Variants in IARS1 observed in about 807,000 individuals in gnomAD.
The protein encoded by IARS1 is isoleucine--tRNA ligase, cytoplasmic.
Under a neutral mutation model 168.2 loss-of-function variants are expected in IARS1, and 124 were observed. The observed-to-expected ratio is 0.74, with a 90% CI of 0.64 to 0.86. The LOEUF (loss-of-function observed/expected upper bound fraction) is 0.86. Ranked by LOEUF, IARS1 falls within the 40% of genes least tolerant of loss-of-function variation. The pLI is 0.00. For missense variants in IARS1, 1,452 were observed against 1,515.8 expected, an observed-to-expected ratio of 0.96 and a Z score of 0.70; for synonymous variants, 532 against 529.4, an observed-to-expected ratio of 1.00 and a Z score of -0.07.
intron 6 of IARS1, 98 bp downstream of exon 6, chr9:92,285,624 C>A (rs1835321913): frequency 1.4e-6 from 1 of 724,772 alleles, no homozygotes. Flanking sequence ...GGGCAACATT[C>A]CACACTGGGT....
chr9:92,254,030 TGCTGCTCAGTTATAAA>T (rs1830388259), intron 20 of IARS1, among the ~76,000 whole-genome samples: 1 of 152,218 alleles, frequency 6.6e-6, no homozygotes, highest in African/African-American at 2.4e-5. Flanking sequence ...GACCCAGAGA[TGCTGCTCAGTTATAAA>T]GCACAGCACA....
Position 92,223,387 on chromosome 9 carries a change from C to A in IARS1, c.3512G>T (p.Cys1171Phe), listed in dbSNP as rs1188370405. 1.2e-6 allele frequency: 2 copies of A among 1,613,886 alleles called. No homozygotes were observed. Among genetic ancestry groups the A allele is most frequent in the South Asian group, 2.2e-5 (2 of 91,038 alleles). ...CAGGAGCTGTAGGTTGATATACTGA[C>A]AAAGAAGAGTACTAGAACTGTTGAT... is the stretch of plus-strand genomic sequence containing the variant. Reference protein sequence around the residue: ...SLINSSSTLLCQYINLQLLNA... With the variant: ...SLINSSSTLLFQYINLQLLNA... The change falls in exon 32 of 34, where the codon TGT (cysteine) becomes TTT (phenylalanine). Residue 1171 changes from cysteine to phenylalanine, a missense_variant. Physicochemically the swap from Cys to Phe is radical, Grantham distance 205 (BLOSUM62 -2). Transcript: ENST00000443024.
At chr9:92,247,230 T>A in intron 26 of IARS1, 147 bp downstream of exon 26, 2 of 586,310 alleles carry the variant, frequency 3.4e-6, no homozygotes, top group Middle Eastern at 3.2e-4. Flanking sequence ...GAGAAGAGAG[T>A]AAGGAAAGGA....
At chr9:92,233,050 T>C (rs1432018344) in intron 30 of IARS1, among the ~76,000 whole-genome samples, 2 of 152,230 alleles carry the variant, frequency 1.3e-5, no homozygotes, top group African/African-American at 4.8e-5. Context: ...CCCTGAAATA[T>C]CTCAAGAGAA....
intron 20 of IARS1, among the ~76,000 whole-genome samples, chr9:92,256,183 CTTTT>C (rs773558436): frequency 2.2e-5 from 3 of 138,294 alleles, no homozygotes; most frequent in Admixed American, 7.3e-5. Flanking sequence ...TTCCCCAGGG[CTTTT>C]TTTTTTTTTT....
chr9:92,251,691 T>A, intron 22 of IARS1, 117 bp downstream of exon 22: 1 of 701,270 alleles, frequency 1.4e-6, no homozygotes, highest in Non-Finnish European at 2.5e-6. Context: ...ATAAAACTTC[T>A]ATATCTATTT....
intron 30 of IARS1, among the ~76,000 whole-genome samples, chr9:92,230,685 A>G (rs1587730454): frequency 1.3e-5 from 2 of 152,238 alleles, no homozygotes; most frequent in East Asian, 3.8e-4. Flanking sequence ...GTTTTCTGAT[A>G]CTGCCGAACT....
intron 31 of IARS1, among the ~76,000 whole-genome samples, chr9:92,225,913 C>A (rs953824263): frequency 4.6e-5 from 7 of 152,240 alleles, no homozygotes; most frequent in African/African-American, 1.4e-4. Flanking sequence ...GCCCACGCTC[C>A]TGCCTCTGCT....
At chr9:92,256,529 T>C (rs1053241068) in intron 20 of IARS1, 151 bp downstream of exon 20, 2 of 770,228 alleles carry the variant, frequency 2.6e-6, no homozygotes, top group Admixed American at 2.8e-5. Flanking sequence ...ATCACGACAA[T>C]TAACAAGCCT....
intron 11 of IARS1, 133 bp downstream of exon 11, chr9:92,271,400 G>A: frequency 8.8e-7 from 1 of 1,130,930 alleles, no homozygotes; most frequent in Non-Finnish European, 1.3e-6. Context: ...GATAACATCT[G>A]TCTTTACGGA....
chr9:92,215,604 C>T (rs536996560), intron 33 of IARS1, among the ~76,000 whole-genome samples: 1 of 151,926 alleles, frequency 6.6e-6, no homozygotes, highest in Admixed American at 6.5e-5. Flanking sequence ...AAAACCAAGG[C>T]TCGAGAACTA....
At chr9:92,277,391 C>T (rs768752118) in intron 9 of IARS1, among the ~76,000 whole-genome samples, 42 of 152,106 alleles carry the variant, frequency 2.8e-4, no homozygotes, top group Non-Finnish European at 5.3e-4. Flanking sequence ...CGCTATTGCA[C>T]GATATTTGCA....
At chr9:92,247,215 GAA>G (rs967538045) in intron 26 of IARS1, among the ~76,000 whole-genome samples, 160 bp downstream of exon 26, 2 of 151,840 alleles carry the variant, frequency 1.3e-5, no homozygotes, top group Non-Finnish European at 2.9e-5. Context: ...AGAGAAGAGA[GAA>G]AAGAGAAGAG....
At position 92,265,007 on chromosome 9, in the gene IARS1, G is replaced by A. The variant is rs1286974333; in HGVS notation, c.1622C>T (p.Pro541Leu). The A allele has an allele frequency of 4.0e-5, 64 of 1,613,980 alleles. No individual in the cohort carries two copies. Among genetic ancestry groups the A allele is most frequent in the Non-Finnish European group, 5.2e-5 (61 of 1,180,014 alleles). The change falls in exon 16 of 34, where the codon CCG (proline) becomes CTG (leucine). Residue 541 changes from proline (P) to leucine (L), a missense_variant. By Grantham distance (98) the Pro-to-Leu change is moderately conservative (BLOSUM62 -3). Transcript: ENST00000443024. The part of the protein sequence containing the change: ...GSMPYAQVHY[P>L]FENKREFEDA... ...CTCAAACTCCCTCTTGTTTTCAAAC[G>A]GGTAATGAACCTGAGCATAGGGCAT...
rs1837583871 is a variant in IARS1, at chr9:92,210,552, C to T, written c.*255G>A. On this transcript the variant is annotated 3_prime_UTR_variant, in exon 34 of 34. Coordinates refer to ENST00000443024, the MANE Select transcript of IARS1 (RefSeq NM_002161.6). ...TTAAGAACTCAAGTATAGAAATAAA[C>T]TGTGGGCTGAAGTAACATTGTAACC... The T allele has an allele frequency of 2.8e-6, 1 of 351,244 alleles. No individual in the cohort carries two copies. Among genetic ancestry groups the T allele is most frequent in the African/African-American group, 2.1e-5 (1 of 48,112 alleles). 21.8% of individuals were successfully genotyped at this position (351,244 alleles called of 1,614,324 possible). A position where few individuals can be genotyped will look rare whatever the true frequency, so the allele number is the denominator to read the frequency against.
At chr9:92,238,454 C>T (rs1008868972) in intron 30 of IARS1, among the ~76,000 whole-genome samples, 6 of 152,050 alleles carry the variant, frequency 3.9e-5, no homozygotes, top group African/African-American at 1.4e-4. Flanking sequence ...CTATCTTGCT[C>T]CCTCTCTTCA....
intron 31 of IARS1, among the ~76,000 whole-genome samples, chr9:92,227,892 T>C (rs572038549): frequency 5.3e-5 from 8 of 150,576 alleles, no homozygotes; most frequent in African/African-American, 1.2e-4. Context: ...TCCCAGACGA[T>C]TGGCAGCCAG....
intron 29 of IARS1, among the ~76,000 whole-genome samples, chr9:92,241,381 T>A (rs1352032720): frequency 6.6e-6 from 1 of 152,192 alleles, no homozygotes; most frequent in Non-Finnish European, 1.5e-5. Flanking sequence ...GGTCTTGCTC[T>A]GTCGCCCAGG....
intron 29 of IARS1, 67 bp downstream of exon 29, chr9:92,242,086 CG>C (rs1828502526): frequency 8.4e-7 from 1 of 1,196,298 alleles, no homozygotes; most frequent in Non-Finnish European, 1.2e-6. Flanking sequence ...AATATCAACA[CG>C]TGAGTACACA....
Sources: gnomAD v4.1 joint callset for allele counts (sites outside exome capture counted in the v4.1 genomes callset) on GRCh38, gnomAD v4.1.1 for gene constraint, MANE v1.5 for transcripts, NCBI Gene and HGNC (gene_info 2026-07-23, HGNC 2026-07-21) for gene names.